Variants in LRRTM4 observed in about 807,000 individuals in gnomAD.
LRRTM4 encodes the protein leucine-rich repeat transmembrane neuronal protein 4.
In LRRTM4, 25 loss-of-function variants were observed where a neutral mutation model predicts 47.6. The ratio of observed to expected loss-of-function variants is 0.53; its 90% CI spans 0.38 to 0.73. The LOEUF (loss-of-function observed/expected upper bound fraction) is 0.73. Among genes scored for constraint, LRRTM4 ranks in the 30% least tolerant of loss-of-function variants. LRRTM4 has a pLI of 0.00. For missense variants in LRRTM4, 638 were observed against 713.4 expected (o/e 0.89, Z 1.20); for synonymous variants, 311 against 269.5 (o/e 1.15, Z -1.51).
At chr2:77,335,526 C>A (rs1480117671) in intron 3 of LRRTM4, among the ~76,000 whole-genome samples, 1 of 152,132 alleles carries the variant, frequency 6.6e-6, no homozygotes, top group East Asian at 1.9e-4. Flanking sequence ...TCAGAAAGGC[C>A]CATGTGTATC....
chr2:77,338,756 C>T (rs532334706), intron 3 of LRRTM4, among the ~76,000 whole-genome samples: 6 of 151,932 alleles, frequency 3.9e-5, no homozygotes, highest in Admixed American at 3.9e-4. Context: ...TAAGTATATA[C>T]CCAAATGAAA....
intron 3 of LRRTM4, among the ~76,000 whole-genome samples, chr2:77,090,807 C>T (rs1014340945): frequency 6.6e-6 from 1 of 152,206 alleles, no homozygotes; most frequent in African/African-American, 2.4e-5. Flanking sequence ...GCCCAAGGCT[C>T]TCTGACTGAC....
chr2:76,863,011 A>G (rs558156865), intron 3 of LRRTM4, among the ~76,000 whole-genome samples: 127 of 152,306 alleles, frequency 8.3e-4, no homozygotes, highest in African/African-American at 2.9e-3. Context: ...TTAAAAGCAT[A>G]TGTCACCACA....
At chr2:76,917,439 A>T (rs1263983470) in intron 3 of LRRTM4, among the ~76,000 whole-genome samples, 1 of 152,174 alleles carries the variant, frequency 6.6e-6, no homozygotes, top group Non-Finnish European at 1.5e-5. Flanking sequence ...AACTCCCTCT[A>T]TTAAAATCTA....
intron 3 of LRRTM4, among the ~76,000 whole-genome samples, chr2:77,287,425 A>G (rs1352378306): frequency 6.6e-6 from 1 of 151,850 alleles, no homozygotes; most frequent in Admixed American, 6.6e-5. Context: ...ATATGTATAT[A>G]TTAGATATTC....
At chr2:76,802,120 C>G (rs562062470) in intron 3 of LRRTM4, among the ~76,000 whole-genome samples, 1 of 151,544 alleles carries the variant, frequency 6.6e-6, no homozygotes, top group African/African-American at 2.4e-5. Context: ...AGTCCTAGCC[C>G]GAGCAATTAG....
chr2:77,080,486 C>G (rs916884384), intron 3 of LRRTM4, among the ~76,000 whole-genome samples: 1 of 152,094 alleles, frequency 6.6e-6, no homozygotes, highest in Non-Finnish European at 1.5e-5. Flanking sequence ...GACATCTACC[C>G]TTGATAATCT....
intron 3 of LRRTM4, among the ~76,000 whole-genome samples, chr2:77,327,551 A>T (rs1670822871): frequency 1.3e-5 from 2 of 152,210 alleles, no homozygotes; most frequent in Non-Finnish European, 2.9e-5. Flanking sequence ...ATAAAAGAAC[A>T]AAAGGTTATA....
At chr2:77,449,597 C>G (rs1452359277) in intron 3 of LRRTM4, among the ~76,000 whole-genome samples, 1 of 152,162 alleles carries the variant, frequency 6.6e-6, no homozygotes, top group Admixed American at 6.5e-5. Context: ...GTGACCTACA[C>G]TCTGCCAGTT....
At chr2:77,395,120 A>G (rs1266280221) in intron 3 of LRRTM4, among the ~76,000 whole-genome samples, 2 of 151,850 alleles carry the variant, frequency 1.3e-5, no homozygotes, top group African/African-American at 4.8e-5. Context: ...CTGGGCCACA[A>G]AGAGTCTGTT....
chr2:76,985,079 T>C (rs1020233164), intron 3 of LRRTM4, among the ~76,000 whole-genome samples: 6 of 151,964 alleles, frequency 3.9e-5, no homozygotes, highest in South Asian at 4.1e-4. Context: ...CAAAATCCCA[T>C]ACATTCAAGC....
intron 3 of LRRTM4, among the ~76,000 whole-genome samples, chr2:77,104,598 C>CGT (rs1343276682): frequency 1.3e-5 from 2 of 152,124 alleles, no homozygotes; most frequent in African/African-American, 4.8e-5. Context: ...ATACTAAGTG[C>CGT]TAAAGACCCA....
At chr2:76,928,791 C>T (rs949819678) in intron 3 of LRRTM4, among the ~76,000 whole-genome samples, 7 of 151,970 alleles carry the variant, frequency 4.6e-5, no homozygotes, top group African/African-American at 1.7e-4. Context: ...GTGAGAATTT[C>T]CTTTATTGAT....
At chr2:77,348,901 T>G (rs1307706714) in intron 3 of LRRTM4, among the ~76,000 whole-genome samples, 2 of 151,718 alleles carry the variant, frequency 1.3e-5, no homozygotes, top group African/African-American at 4.8e-5. Context: ...GAAAATTAAA[T>G]GAAAAGGCAT....
intron 3 of LRRTM4, among the ~76,000 whole-genome samples, chr2:76,762,653 C>T (rs1673299588): frequency 6.6e-6 from 1 of 152,088 alleles, no homozygotes; most frequent in Non-Finnish European, 1.5e-5. Flanking sequence ...TGCAGCAAAA[C>T]TCATTGATTT....
intron 3 of LRRTM4, among the ~76,000 whole-genome samples, chr2:77,195,456 G>A (rs1673794271): frequency 2.0e-5 from 3 of 152,088 alleles, no homozygotes; most frequent in South Asian, 2.1e-4. Context: ...ACTTTAACAA[G>A]TAGGAAAACT....
intron 3 of LRRTM4, among the ~76,000 whole-genome samples, chr2:76,831,671 G>A (rs1010213433): frequency 6.6e-6 from 1 of 152,068 alleles, no homozygotes; most frequent in Non-Finnish European, 1.5e-5. Flanking sequence ...ATGGTGTAAT[G>A]AATATGTTCA....
chr2:77,436,276 A>G (rs1675596449), intron 3 of LRRTM4, among the ~76,000 whole-genome samples: 1 of 152,166 alleles, frequency 6.6e-6, no homozygotes, highest in Non-Finnish European at 1.5e-5. Context: ...TGAGGTTACA[A>G]TACTAAACAT....
At chr2:76,769,787 T>C (rs1673614002) in intron 3 of LRRTM4, among the ~76,000 whole-genome samples, 1 of 152,188 alleles carries the variant, frequency 6.6e-6, no homozygotes, top group Non-Finnish European at 1.5e-5. Context: ...GGAAATTATC[T>C]ACCAGAATGG....
Sources: gnomAD v4.1 joint callset for allele counts (sites outside exome capture counted in the v4.1 genomes callset) on GRCh38, gnomAD v4.1.1 for gene constraint, MANE v1.5 for transcripts, NCBI Gene and HGNC (gene_info 2026-07-23, HGNC 2026-07-21) for gene names.